The following PLCL1 variants were observed in gnomAD, a reference collection of about 807,000 sequenced individuals.
The protein encoded by PLCL1 is inactive phospholipase C-like protein 1.
Under a neutral mutation model 84.4 loss-of-function variants are expected in PLCL1, and 41 were observed. The ratio of observed to expected loss-of-function variants is 0.49; its 90% CI spans 0.38 to 0.63. PLCL1 has a LOEUF of 0.63. Among genes scored for constraint, PLCL1 ranks in the 30% least tolerant of loss-of-function variants. The pLI, the probability that PLCL1 is intolerant of heterozygous loss-of-function variation, is 0.00. For synonymous variants in PLCL1, 490 were observed against 488.3 expected, an observed-to-expected ratio of 1.00 and a Z score of -0.05; for missense variants, 1,206 against 1,367.8, an observed-to-expected ratio of 0.88 and a Z score of 1.87.
intron 1 of PLCL1, among the ~76,000 whole-genome samples, chr2:197,898,840 G>A (rs1212032535): frequency 6.6e-6 from 1 of 151,030 alleles, no homozygotes; most frequent in African/African-American, 2.5e-5. Context: ...GTAGCATAAG[G>A]ATAATAATAG....
intron 1 of PLCL1, among the ~76,000 whole-genome samples, chr2:198,054,572 G>A (rs1026073656): frequency 6.6e-6 from 1 of 152,184 alleles, no homozygotes; most frequent in Non-Finnish European, 1.5e-5. Flanking sequence ...AGTAGAATAG[G>A]AACCCATTCT....
At chr2:197,983,195 C>CTTT (rs1690149660) in intron 1 of PLCL1, among the ~76,000 whole-genome samples, 1 of 51,708 alleles carries the variant, frequency 1.9e-5, no homozygotes, top group African/African-American at 6.6e-5. Flanking sequence ...TTTTTCTTTT[C>CTTT]TTTTCTTTTT....
chr2:197,893,115 A>G (rs1688061752), intron 1 of PLCL1, among the ~76,000 whole-genome samples: 1 of 152,252 alleles, frequency 6.6e-6, no homozygotes, highest in Non-Finnish European at 1.5e-5. Flanking sequence ...ATTTCTTGGT[A>G]TAGTTGTTCC....
chr2:197,859,236 C>T (rs1687385848), intron 1 of PLCL1, among the ~76,000 whole-genome samples: 1 of 152,070 alleles, frequency 6.6e-6, no homozygotes, highest in Non-Finnish European at 1.5e-5. Context: ...CTCTTCCTAC[C>T]TTGCTTCTTA....
Position 198,014,932 on chromosome 2 carries a change from G to A in PLCL1, c.241-68826G>A, listed in dbSNP as rs550829911. On this transcript the variant is annotated intron_variant, in intron 1 of 5. Transcript: ENST00000428675. ...AATTTTTCCCCCCATATATTTTTGA[G>A]CCTCATGCAATTTTGTATAGCAGTA... is the stretch of plus-strand genomic sequence containing the variant. Among the ~76,000 whole-genome samples, 9 of 152,124 alleles carry A rather than the reference G, an allele frequency of 5.9e-5. No individual in the cohort carries two copies. The South Asian group carries it at 1.9e-3, about 32-fold the overall frequency.
chr2:198,019,710 C>T (rs913200943), intron 1 of PLCL1, among the ~76,000 whole-genome samples: 1 of 152,110 alleles, frequency 6.6e-6, no homozygotes, highest in African/African-American at 2.4e-5. Flanking sequence ...AAGGAAGGAA[C>T]AAAGCCTCCA....
chr2:198,110,337 G>A (rs548683555), intron 5 of PLCL1, among the ~76,000 whole-genome samples: 7 of 151,872 alleles, frequency 4.6e-5, no homozygotes, highest in Non-Finnish European at 7.4e-5. Flanking sequence ...TTCAATTTCC[G>A]TGGGAAGAGC....
chr2:197,876,091 A>C (rs1687727457), intron 1 of PLCL1, among the ~76,000 whole-genome samples: 2 of 152,212 alleles, frequency 1.3e-5, no homozygotes, highest in African/African-American at 4.8e-5. Context: ...ATTTTTGTAG[A>C]TGAAATTTAC....
chr2:198,023,549 A>G (rs535959479), intron 1 of PLCL1, among the ~76,000 whole-genome samples: 4 of 152,376 alleles, frequency 2.6e-5, no homozygotes, highest in Admixed American at 2.6e-4. Context: ...AAACAAATTT[A>G]CAAGAGAAAA....
At chr2:198,118,493 G>T (rs1372303272) in intron 5 of PLCL1, among the ~76,000 whole-genome samples, 3 of 151,886 alleles carry the variant, frequency 2.0e-5, no homozygotes, top group Admixed American at 2.0e-4. Flanking sequence ...AAGATACTCA[G>T]GAAAAGTTTT....
chr2:197,851,124 A>G (rs532306970), intron 1 of PLCL1, among the ~76,000 whole-genome samples: 4 of 152,234 alleles, frequency 2.6e-5, no homozygotes, highest in Non-Finnish European at 5.9e-5. Flanking sequence ...TTGCACGTGT[A>G]AATAAACTCC....
chr2:197,925,559 G>A (rs1279434647), intron 1 of PLCL1, among the ~76,000 whole-genome samples: 1 of 152,112 alleles, frequency 6.6e-6, no homozygotes, highest in Non-Finnish European at 1.5e-5. Flanking sequence ...CTAATTTGTT[G>A]GAGCCACTCC....
At chr2:198,113,519 C>T (rs1380714860) in intron 5 of PLCL1, among the ~76,000 whole-genome samples, 1 of 151,798 alleles carries the variant, frequency 6.6e-6, no homozygotes, top group African/African-American at 2.4e-5. Flanking sequence ...TAAAAAAGTG[C>T]ATGACACTAT....
intron 1 of PLCL1, among the ~76,000 whole-genome samples, chr2:197,824,186 A>C (rs566143893): frequency 2.0e-5 from 3 of 152,094 alleles, no homozygotes; most frequent in Non-Finnish European, 4.4e-5. Context: ...AAGTCCTCAT[A>C]ATTCTCATCT....
intron 1 of PLCL1, among the ~76,000 whole-genome samples, chr2:197,960,608 G>A (rs1689597148): frequency 6.6e-6 from 1 of 152,088 alleles, no homozygotes; most frequent in African/African-American, 2.4e-5. Context: ...ACACTGTATA[G>A]TCTGAAAGCT....
At chr2:198,117,887 C>T (rs2196173) in intron 5 of PLCL1, among the ~76,000 whole-genome samples, 10 of 151,906 alleles carry the variant, frequency 6.6e-5, no homozygotes, top group African/African-American at 2.2e-4. Flanking sequence ...AACTTCCTTC[C>T]TGTTCTCCTT....
chr2:197,949,129 A>T (rs1019764695), intron 1 of PLCL1, among the ~76,000 whole-genome samples: 2 of 152,110 alleles, frequency 1.3e-5, no homozygotes, highest in Admixed American at 1.3e-4. Context: ...TCTAGTTGGG[A>T]TCATACCTGA....
At chr2:197,818,225 G>A (rs1173776414) in intron 1 of PLCL1, among the ~76,000 whole-genome samples, 5 of 152,072 alleles carry the variant, frequency 3.3e-5, no homozygotes, top group Non-Finnish European at 5.9e-5. Context: ...AAGTAGTTGT[G>A]AGTGCTGGAA....
At chr2:198,050,347 G>A (rs1354910055) in intron 1 of PLCL1, among the ~76,000 whole-genome samples, 2 of 152,104 alleles carry the variant, frequency 1.3e-5, no homozygotes, top group Non-Finnish European at 2.9e-5. Flanking sequence ...CCCAGTACAT[G>A]GTTAATATGT....
Sources: gnomAD v4.1 joint callset for allele counts (sites outside exome capture counted in the v4.1 genomes callset) on GRCh38, gnomAD v4.1.1 for gene constraint, MANE v1.5 for transcripts, NCBI Gene and HGNC (gene_info 2026-07-23, HGNC 2026-07-21) for gene names.